The following AKR1C8 variants were observed in gnomAD, a reference collection of about 807,000 sequenced individuals.
The protein encoded by AKR1C8 is aldo-keto reductase family 1 member C8.
At chr10:5,175,845 T>C in the AKR1C8 span, among the ~76,000 whole-genome samples, 9 of 152,172 alleles carry the variant, frequency 5.9e-5, no homozygotes, top group African/African-American at 1.9e-4. Context: ...TCTTGTAAAT[T>C]TGTTTGAGTT....
At chr10:5,138,099 C>G in the AKR1C8 span, among the ~76,000 whole-genome samples, 40,260 of 148,452 alleles carry the variant, frequency 0.27, 6,434 homozygotes, top group Non-Finnish European at 0.35. Context: ...TCTTGATAAA[C>G]ATCTTACACA....
the AKR1C8 span, among the ~76,000 whole-genome samples, chr10:5,121,100 T>TA: frequency 6.6e-6 from 1 of 152,262 alleles, no homozygotes; most frequent in South Asian, 2.1e-4. Context: ...TTTTTGCATA[T>TA]AAAATCTCTG....
chr10:5,164,529 C>A, the AKR1C8 span, among the ~76,000 whole-genome samples: 1 of 152,024 alleles, frequency 6.6e-6, no homozygotes, highest in Non-Finnish European at 1.5e-5. Context: ...TAGCAGGAGC[C>A]AACCGTCAAA....
chr10:5,135,311 C>T, the AKR1C8 span: 7 of 160,908 alleles, frequency 4.4e-5, no homozygotes, highest in Non-Finnish European at 8.3e-5. Context: ...AAACAATGGG[C>T]AGGCAATGCT....
At chr10:5,148,971 A>C in the AKR1C8 span, among the ~76,000 whole-genome samples, 1 of 152,160 alleles carries the variant, frequency 6.6e-6, no homozygotes, top group African/African-American at 2.4e-5. Context: ...TGCCAAGGTC[A>C]GATTACAACA....
chr10:5,121,582 C>A, the AKR1C8 span, among the ~76,000 whole-genome samples: 1 of 151,892 alleles, frequency 6.6e-6, no homozygotes, highest in Non-Finnish European at 1.5e-5. Flanking sequence ...TGGACTCTTA[C>A]GGGAGGACAT....
the AKR1C8 span, among the ~76,000 whole-genome samples, chr10:5,151,435 A>G: frequency 2.2e-3 from 331 of 152,170 alleles, 1 homozygote; most frequent in Non-Finnish European, 3.8e-3. Flanking sequence ...GCCTATGCCC[A>G]TGAGTGAACA....
the AKR1C8 span, among the ~76,000 whole-genome samples, chr10:5,149,520 GT>G: frequency 6.6e-6 from 1 of 151,998 alleles, no homozygotes; most frequent in Non-Finnish European, 1.5e-5. Context: ...GCATAAATTG[GT>G]TTATTTTCTC....
chr10:5,144,184 A>G, the AKR1C8 span, among the ~76,000 whole-genome samples: 1 of 152,094 alleles, frequency 6.6e-6, no homozygotes, highest in Non-Finnish European at 1.5e-5. Context: ...AGATAGTTGT[A>G]GATATGCGGT....
At chr10:5,173,112 A>C in the AKR1C8 span, among the ~76,000 whole-genome samples, 1 of 152,116 alleles carries the variant, frequency 6.6e-6, no homozygotes, top group Non-Finnish European at 1.5e-5. Context: ...CTATTTTCCC[A>C]GGGAGTCCCA....
the AKR1C8 span, chr10:5,185,055 G>C: frequency 2.6e-5 from 14 of 534,530 alleles, no homozygotes; most frequent in Non-Finnish European, 5.4e-5. Flanking sequence ...TGGCATGAAG[G>C]GTCCATCATT....
At chr10:5,182,859 G>A in the AKR1C8 span, among the ~76,000 whole-genome samples, 7 of 151,444 alleles carry the variant, frequency 4.6e-5, no homozygotes, top group African/African-American at 1.2e-4. Flanking sequence ...GTAGTGAGCC[G>A]AGATCATGCC....
At chr10:5,125,542 G>A in the AKR1C8 span, among the ~76,000 whole-genome samples, 1 of 152,130 alleles carries the variant, frequency 6.6e-6, no homozygotes, top group Admixed American at 6.6e-5. Context: ...AACCAACACA[G>A]TTCATTACAG....
chr10:5,180,388 G>A, the AKR1C8 span, among the ~76,000 whole-genome samples: 31 of 152,318 alleles, frequency 2.0e-4, no homozygotes, highest in African/African-American at 7.2e-4. Flanking sequence ...GCCCCTACTG[G>A]GGGCTGCCTC....
chr10:5,157,598 C>T, the AKR1C8 span: 1 of 459,072 alleles, frequency 2.2e-6, no homozygotes, highest in South Asian at 1.6e-5. Context: ...GATCAGCACC[C>T]ATGGCTCACT....
the AKR1C8 span, among the ~76,000 whole-genome samples, chr10:5,177,305 G>C: frequency 6.6e-6 from 1 of 151,982 alleles, no homozygotes; most frequent in Admixed American, 6.6e-5. Flanking sequence ...TATTGAACCA[G>C]CCTTGCATCC....
the AKR1C8 span, among the ~76,000 whole-genome samples, chr10:5,168,016 C>T: frequency 6.6e-6 from 1 of 151,808 alleles, no homozygotes; most frequent in African/African-American, 2.4e-5. Flanking sequence ...AATGAACTTC[C>T]ACCAGATTAA....
the AKR1C8 span, among the ~76,000 whole-genome samples, chr10:5,117,787 G>T: frequency 2.0e-5 from 3 of 152,130 alleles, no homozygotes; most frequent in African/African-American, 4.8e-5. Context: ...AAAGTAAGGT[G>T]CCAGGCTCTT....
chr10:5,165,940 G>T, the AKR1C8 span, among the ~76,000 whole-genome samples: 95 of 152,190 alleles, frequency 6.2e-4, no homozygotes, highest in Middle Eastern at 3.4e-3. Context: ...AGATCTATGG[G>T]TGAAGGTGAC....
Sources: allele counts gnomAD v4.1 joint callset (sites outside exome capture counted in the v4.1 genomes callset), GRCh38; gene constraint gnomAD v4.1.1; transcripts MANE v1.5; gene names NCBI Gene and HGNC (gene_info 2026-07-23, HGNC 2026-07-21).